GNB4: variants seen among roughly 807,000 people sequenced by gnomAD.
GNB4 encodes G protein subunit beta 4.
A neutral mutation model predicts 45.2 loss-of-function variants in GNB4; 28 were observed. The observed-to-expected ratio is 0.62, with a 90% CI of 0.46 to 0.85. The LOEUF (loss-of-function observed/expected upper bound fraction) is 0.85. GNB4 is among the 40% of genes least tolerant of loss of function. The pLI is 0.00. For missense variants in GNB4, 321 were observed against 425.4 expected (o/e 0.75, Z 2.16); for synonymous variants, 132 against 143.7 (o/e 0.92, Z 0.58).
In GNB4 at chr3:179,420,006, C is replaced by G. The variant is rs370028407; in HGVS notation, c.97-501G>C. ...CCCCTCTTACTATCTCATTCCCAAC[C>G]TAAGAGTTTTCATAAGGAAAAAAAC... is the stretch of plus-strand genomic sequence containing the variant. On this transcript the variant is annotated intron_variant, in intron 3 of 9. Transcript: ENST00000232564. Among the ~76,000 whole-genome samples, 13 of 151,728 alleles carry G rather than the reference C, an allele frequency of 8.6e-5. No individual in the cohort carries two copies. The East Asian group carries it at 2.3e-3, about 27-fold the overall frequency.
At chr3:179,426,566 G>C (rs1177564726) in intron 1 of GNB4, among the ~76,000 whole-genome samples, 2 of 152,046 alleles carry the variant, frequency 1.3e-5, no homozygotes, top group African/African-American at 4.8e-5. Flanking sequence ...TTCCCCACTT[G>C]GATGTCTGGA....
rs540277534 is a variant in GNB4, at chr3:179,447,660, C to A, written c.-43+3686G>T. ...CAGTTGGGGGGCTCCTGCAGTCATC[C>A]AGGCCAGGGAAGAATACAGTTTGAC... On this transcript the variant is annotated intron_variant, in intron 1 of 9. Coordinates refer to ENST00000232564, the MANE Select transcript of GNB4 (RefSeq NM_021629.4). Among the ~76,000 whole-genome samples the A allele has an allele frequency of 2.6e-5, 4 of 152,246 alleles. No homozygotes were observed. In the East Asian group the frequency reaches 7.7e-4, roughly 29 times the overall value.
At chr3:179,481,838 T>G in the GNB4 span, among the ~76,000 whole-genome samples, 1 of 152,186 alleles carries the variant, frequency 6.6e-6, no homozygotes, top group African/African-American at 2.4e-5. Context: ...ACAACCTAAA[T>G]TTTGCTCAAC....
the GNB4 span, among the ~76,000 whole-genome samples, chr3:179,491,082 T>C: frequency 6.6e-6 from 1 of 152,104 alleles, no homozygotes; most frequent in East Asian, 1.9e-4. Flanking sequence ...ATTATAAAAA[T>C]TCTCTAAGAA....
chr3:179,471,456 T>C, the GNB4 span, among the ~76,000 whole-genome samples: 1 of 152,200 alleles, frequency 6.6e-6, no homozygotes, highest in African/African-American at 2.4e-5. Flanking sequence ...TTTCTATGTT[T>C]AGATACACAC....
intron 8 of GNB4, among the ~76,000 whole-genome samples, chr3:179,412,897 T>C (rs531273853): frequency 1.3e-4 from 20 of 151,228 alleles, no homozygotes; most frequent in Non-Finnish European, 2.5e-4. Context: ...AAAACCTAGG[T>C]TGCCAGGAAC....
the GNB4 span, among the ~76,000 whole-genome samples, chr3:179,472,535 C>G: frequency 6.6e-6 from 1 of 151,820 alleles, no homozygotes; most frequent in Non-Finnish European, 1.5e-5. Context: ...CTATACCTGG[C>G]AAGTTTTTTG....
intron 1 of GNB4, among the ~76,000 whole-genome samples, chr3:179,429,031 G>A (rs533474284): frequency 3.9e-5 from 6 of 152,360 alleles, no homozygotes; most frequent in African/African-American, 1.4e-4. Flanking sequence ...CGTGGATGGG[G>A]CACCGATGGG....
the GNB4 span, among the ~76,000 whole-genome samples, chr3:179,522,975 G>T: frequency 2.7e-5 from 4 of 150,778 alleles, no homozygotes; most frequent in African/African-American, 9.9e-5. Flanking sequence ...TAGCTTTTAG[G>T]GCTGTTTTTA....
intron 2 of GNB4, 59 bp from the exon 3 acceptor site, chr3:179,420,986 T>A (rs983023676): frequency 1.1e-6 from 1 of 945,170 alleles, no homozygotes. Context: ...ACTAAAGTGA[T>A]ACTTTTATTG....
chr3:179,476,001 T>C, the GNB4 span, among the ~76,000 whole-genome samples: 2 of 152,200 alleles, frequency 1.3e-5, no homozygotes, highest in Non-Finnish European at 2.9e-5. Flanking sequence ...TCCATCCCAA[T>C]AGCCCCAAAA....
rs769949519 is a variant in GNB4 at position 179,413,721 on chromosome 3, G to T, written c.491C>A (p.Thr164Lys). ...GCTTCTGGAATAAACTTACCAAGTT[G>T]TATCTCCTGAACTTGTAACAATTTG... ...DSQIVTSSGD[T>K]TCALWDIETA... Residue 164 changes from threonine to lysine, a missense_variant, in exon 7 of 10, where the codon ACA (threonine) becomes AAA (lysine). Coordinates refer to ENST00000232564, the MANE Select transcript of GNB4 (RefSeq NM_021629.4). 4.4e-6 allele frequency: 7 copies of T among 1,607,298 alleles called. No homozygotes were observed. In the Admixed American group the frequency reaches 6.7e-5, roughly 15 times the overall value.
At chr3:179,475,716 C>T in the GNB4 span, among the ~76,000 whole-genome samples, 1 of 152,262 alleles carries the variant, frequency 6.6e-6, no homozygotes, top group African/African-American at 2.4e-5. Context: ...TCGTGATCTG[C>T]CCGCCTCAGC....
At chr3:179,486,244 A>C in the GNB4 span, among the ~76,000 whole-genome samples, 1 of 151,978 alleles carries the variant, frequency 6.6e-6, no homozygotes, top group African/African-American at 2.4e-5. Context: ...AAAAAGTAAA[A>C]GATGCATGTT....
At chr3:179,508,932 G>GTGTGTGTATATATATATATATATATA in the GNB4 span, among the ~76,000 whole-genome samples, 205 of 102,094 alleles carry the variant, frequency 2.0e-3, 2 homozygotes, top group African/African-American at 9.1e-3. Flanking sequence ...TTCAGCATGT[G>GTGTGTGTATATATATATATATATATA]TATATATATA....
chr3:179,462,064 C>T, the GNB4 span, among the ~76,000 whole-genome samples: 1 of 152,212 alleles, frequency 6.6e-6, no homozygotes, highest in Admixed American at 6.5e-5. Flanking sequence ...CTGGCCCCAA[C>T]CTGTCCTTTC....
At chr3:179,406,700 C>A (rs139613483) in intron 8 of GNB4, among the ~76,000 whole-genome samples, 3,632 of 152,218 alleles carry the variant, frequency 0.024, 153 homozygotes, top group African/African-American at 0.083. Context: ...ACAACTTCTG[C>A]CTCCTGGGTT....
At chr3:179,462,071 T>C in the GNB4 span, among the ~76,000 whole-genome samples, 2 of 152,222 alleles carry the variant, frequency 1.3e-5, no homozygotes, top group South Asian at 4.1e-4. Context: ...CAACCTGTCC[T>C]TTCTAGCTTT....
intron 2 of GNB4, 99 bp from the exon 3 acceptor site, chr3:179,421,026 C>T: frequency 1.4e-6 from 1 of 724,768 alleles, no homozygotes. Flanking sequence ...TTACTTCTCA[C>T]TGTACCACAT....
Sources: gnomAD v4.1 joint callset for allele counts (sites outside exome capture counted in the v4.1 genomes callset) on GRCh38, gnomAD v4.1.1 for gene constraint, MANE v1.5 for transcripts, NCBI Gene and HGNC (gene_info 2026-07-23, HGNC 2026-07-21) for gene names.